TMEM131L: variants seen among roughly 807,000 people sequenced by gnomAD.
The protein encoded by TMEM131L is transmembrane 131 like.
In TMEM131L, 54 loss-of-function variants were observed where a neutral mutation model predicts 192.2. The ratio of observed to expected loss-of-function variants is 0.28; its 90% confidence interval spans 0.23 to 0.35. The LOEUF (loss-of-function observed/expected upper bound fraction) is 0.35. TMEM131L is among the 10% of genes least tolerant of loss of function. The pLI is 1.00. For synonymous variants in TMEM131L, 701 were observed against 704.9 expected, an observed-to-expected ratio of 0.99 and a Z score of 0.09; for missense variants, 1,888 against 1,972.9, an observed-to-expected ratio of 0.96 and a Z score of 0.82.
intron 26 of TMEM131L, among the ~76,000 whole-genome samples, chr4:153,619,297 G>A (rs940334673): frequency 4.6e-5 from 7 of 152,120 alleles, no homozygotes; most frequent in African/African-American, 1.7e-4. Flanking sequence ...ACGGGGGTGG[G>A]AAACCTCCCC....
At chr4:153,617,140 C>T (rs186130409) in intron 26 of TMEM131L, among the ~76,000 whole-genome samples, 3 of 152,234 alleles carry the variant, frequency 2.0e-5, no homozygotes, top group Admixed American at 6.5e-5. Context: ...GTGCTGTTCT[C>T]GTGATAGTAA....
chr4:153,500,376 G>A (rs143093420), intron 3 of TMEM131L, among the ~76,000 whole-genome samples: 5,071 of 152,248 alleles, frequency 0.033, 141 homozygotes, highest in Admixed American at 0.07. Context: ...CAAAGTGCTG[G>A]GATTACAGGC....
intron 6 of TMEM131L, among the ~76,000 whole-genome samples, chr4:153,557,734 A>G (rs17030157): frequency 0.022 from 3,390 of 152,292 alleles, 83 homozygotes; most frequent in Middle Eastern, 0.11. Context: ...AGAGTTGCCT[A>G]CTTGTGAACA....
In TMEM131L at chr4:153,603,274, A is replaced by G. The variant is rs755595837; in HGVS notation, c.2640-29A>G. 5.0e-6 allele frequency: 8 copies of G among 1,606,788 alleles called. No homozygotes were observed. In the African/African-American group the frequency reaches 5.4e-5, roughly 11 times the overall value. ...TTTGAATGCCAGTCAGAACCATGCA[A>G]TACTGAACCTTGTTGCTTTCTTCCT... On this transcript the variant is annotated intron_variant, in intron 23 of 34. Coordinates refer to ENST00000409959, the MANE Select transcript of TMEM131L (RefSeq NM_001131007.2).
At chr4:153,618,523 A>G (rs1014663465) in intron 26 of TMEM131L, among the ~76,000 whole-genome samples, 2 of 151,478 alleles carry the variant, frequency 1.3e-5, no homozygotes, top group African/African-American at 4.9e-5. Context: ...AAATAACTCA[A>G]TAATAATGAT....
chr4:153,514,448 T>C (rs1323578523), intron 3 of TMEM131L, among the ~76,000 whole-genome samples: 1 of 152,254 alleles, frequency 6.6e-6, no homozygotes, highest in East Asian at 1.9e-4. Context: ...AGGGCATGTT[T>C]TGGTTTTCAA....
At chr4:153,594,548 A>C (rs565593726) in intron 19 of TMEM131L, among the ~76,000 whole-genome samples, 12 of 152,348 alleles carry the variant, frequency 7.9e-5, no homozygotes, top group African/African-American at 2.4e-4. Flanking sequence ...ATCTGTTGAC[A>C]AAAAATACAT....
intron 8 of TMEM131L, 111 bp from the exon 9 acceptor site, chr4:153,581,296 G>C: frequency 1.3e-6 from 1 of 787,304 alleles, no homozygotes; most frequent in Non-Finnish European, 2.0e-6. Flanking sequence ...AGCATATTCT[G>C]TTCTCACACA....
chr4:153,599,156 A>G (rs1408739529), intron 21 of TMEM131L, among the ~76,000 whole-genome samples: 2 of 152,218 alleles, frequency 1.3e-5, no homozygotes, highest in Non-Finnish European at 2.9e-5. Flanking sequence ...ATTATGACAG[A>G]TGATGAAGGG....
At position 153,553,587 on chromosome 4, in the gene TMEM131L, TCTC is replaced by T. The variant is rs77557453; in HGVS notation, c.309-2194_309-2192del. ...TAGAGTAAAACTTTAGCCTGAGGGTTCTCCTCCTGATTTCTTCGCTGTCCCAGT... is the reference window on the plus strand; with the variant it reads ...TAGAGTAAAACTTTAGCCTGAGGGTTCTCCTGATTTCTTCGCTGTCCCAGT... On this transcript the variant is annotated intron_variant, in intron 4 of 34. Coordinates refer to ENST00000409959, the MANE Select transcript of TMEM131L (RefSeq NM_001131007.2). Among the ~76,000 whole-genome samples, 817 of 152,328 alleles carry T rather than the reference TCTC, an allele frequency of 5.4e-3. 20 individuals carry two copies. The East Asian group carries it at 0.11, about 21-fold the overall frequency.
At chr4:153,572,684 T>C (rs1360625211) in intron 7 of TMEM131L, among the ~76,000 whole-genome samples, 1 of 152,118 alleles carries the variant, frequency 6.6e-6, no homozygotes, top group Non-Finnish European at 1.5e-5. Context: ...CCTTCCCCTT[T>C]CCCTATATAT....
intron 25 of TMEM131L, among the ~76,000 whole-genome samples, chr4:153,610,981 C>T (rs1161886369): frequency 6.6e-6 from 1 of 152,214 alleles, no homozygotes; most frequent in African/African-American, 2.4e-5. Context: ...AATTAGAAAA[C>T]AGGCCAGTTA....
chr4:153,520,864 G>C (rs1043557653), intron 3 of TMEM131L, among the ~76,000 whole-genome samples: 2 of 152,164 alleles, frequency 1.3e-5, no homozygotes, highest in Non-Finnish European at 1.5e-5. Flanking sequence ...GAAGGACTGG[G>C]GACCCTTTCC....
chr4:153,609,649 C>T (rs1222796811), intron 25 of TMEM131L, among the ~76,000 whole-genome samples: 1 of 152,154 alleles, frequency 6.6e-6, no homozygotes. Flanking sequence ...TAAAAGTCTG[C>T]ACATTATTAC....
At chr4:153,511,037 T>C (rs1734319094) in intron 3 of TMEM131L, among the ~76,000 whole-genome samples, 1 of 152,178 alleles carries the variant, frequency 6.6e-6, no homozygotes, top group Admixed American at 6.5e-5. Context: ...TTGGTAGGAG[T>C]GTAACTTAGT....
At chr4:153,584,587 GCTT>G (rs2150768284) in intron 11 of TMEM131L, among the ~76,000 whole-genome samples, 1 of 152,298 alleles carries the variant, frequency 6.6e-6, no homozygotes, top group African/African-American at 2.4e-5. Flanking sequence ...TGCCAAGTGA[GCTT>G]CTTGTTTCAC....
At chr4:153,499,479 T>C (rs1561134296) in intron 3 of TMEM131L, among the ~76,000 whole-genome samples, 1 of 150,520 alleles carries the variant, frequency 6.6e-6, no homozygotes, top group Non-Finnish European at 1.5e-5. Flanking sequence ...CAGGCTGGAG[T>C]GCAGTGGCAC....
intron 4 of TMEM131L, among the ~76,000 whole-genome samples, chr4:153,550,413 G>C (rs911992937): frequency 2.6e-5 from 4 of 152,026 alleles, no homozygotes; most frequent in Non-Finnish European, 5.9e-5. Flanking sequence ...TGCAAGCTCT[G>C]CCTCCCGGGT....
intron 25 of TMEM131L, among the ~76,000 whole-genome samples, chr4:153,608,528 G>A (rs1009078963): frequency 6.6e-6 from 1 of 152,200 alleles, no homozygotes; most frequent in African/African-American, 2.4e-5. Context: ...GAAATAGTGA[G>A]CAAATTATTT....
Sources: allele counts gnomAD v4.1 joint callset (sites outside exome capture counted in the v4.1 genomes callset), GRCh38; gene constraint gnomAD v4.1.1; transcripts MANE v1.5; gene names NCBI Gene and HGNC (gene_info 2026-07-23, HGNC 2026-07-21).